Variants in DNMT1 observed in about 807,000 individuals in gnomAD.
DNMT1 encodes DNA methyltransferase 1.
DNMT1 carries 24 observed loss-of-function variants against 205.3 expected under a neutral mutation model. The observed-to-expected ratio is 0.12, with a 90% CI of 0.08 to 0.16. The LOEUF (loss-of-function observed/expected upper bound fraction) is 0.16, where lower values mean the gene tolerates loss of function less well. DNMT1 is among the 10% of genes least tolerant of loss of function. DNMT1 has a pLI of 1.00. For missense variants in DNMT1, 1,293 were observed against 2,177.7 expected (o/e 0.59, Z 8.09); for synonymous variants, 817 against 839.8 (o/e 0.97, Z 0.47).
Position 10,186,838 on chromosome 19 carries a change from C to CAAAAAAAAAA in DNMT1, c.81-4771_81-4762dup, listed in dbSNP as rs35238334. Among the ~76,000 whole-genome samples the CAAAAAAAAAA allele has an allele frequency of 1.5e-3, 106 of 70,678 alleles. 1 individual carries two copies. Among genetic ancestry groups the CAAAAAAAAAA allele is most frequent in the African/African-American group, 6.0e-3 (101 of 16,956 alleles). The allele number at this position is 70,678 out of a possible 152,430, so 46.4% of individuals were successfully genotyped here. A position where few individuals can be genotyped will look rare whatever the true frequency, so the allele number is the denominator to read the frequency against. ...GGACAACAAGAGTGAAACTCCGTCTCAAAAAAAAAAAAAAAAAAAAAGATA... is the reference window on the plus strand; with the variant it reads ...GGACAACAAGAGTGAAACTCCGTCTCAAAAAAAAAAAAAAAAAAAAAAAAAAAAAAAGATA... On this transcript the variant is annotated intron_variant, in intron 1 of 40. Coordinates refer to ENST00000359526, the MANE Select transcript of DNMT1 (RefSeq NM_001130823.3).
At chr19:10,162,802 C>T (rs949425286) in intron 12 of DNMT1, 54 bp from the exon 13 acceptor site, 15 of 1,583,970 alleles carry the variant, frequency 9.5e-6, no homozygotes, top group East Asian at 4.5e-5. Context: ...CTAACCACAT[C>T]GCCAACTCGC....
intron 22 of DNMT1, among the ~76,000 whole-genome samples, chr19:10,152,385 C>T (rs1320811652): frequency 6.7e-6 from 1 of 150,060 alleles, no homozygotes; most frequent in African/African-American, 2.5e-5. Flanking sequence ...CATTGGGAGG[C>T]TGAAGCAGAG....
rs768430902 is a variant in DNMT1, at chr19:10,149,406, A to G, written c.2586+47T>C. ...CAAAACAGAACGCACGTCAGCAGTG[A>G]CCCTCCACGATAAGGCAGGGGCTCA... On this transcript the variant is annotated intron_variant, in intron 26 of 40. Coordinates refer to ENST00000359526, the MANE Select transcript of DNMT1 (RefSeq NM_001130823.3). 4.4e-6 allele frequency: 7 copies of G among 1,593,578 alleles called. No homozygotes were observed. The Admixed American group carries it at 6.7e-5, about 15-fold the overall frequency.
At position 10,151,514 on chromosome 19, in the gene DNMT1, C is replaced by CA. The variant is rs1177750016; in HGVS notation, c.2148dup (p.Asp717Ter). ...ATGTTATCATCGACTTCCTCATCGT[C>CA]ATCTGCCTCCTTCATGGCCATATTG... On this transcript the variant is annotated frameshift_variant, in exon 24 of 41. Coordinates refer to ENST00000359526, the MANE Select transcript of DNMT1 (RefSeq NM_001130823.3). LOFTEE classifies it high-confidence loss of function. The surrounding 1 kb of genome is among the most constrained non-coding windows in gnomAD (Gnocchi z 5.0). 1 of 1,614,082 alleles carries CA rather than the reference C, an allele frequency of 6.2e-7. No homozygotes were observed. Among genetic ancestry groups the CA allele is most frequent in the Admixed American group, 1.7e-5 (1 of 60,020 alleles).
intron 1 of DNMT1, among the ~76,000 whole-genome samples, chr19:10,193,343 A>C (rs1234844134): frequency 6.6e-6 from 1 of 151,966 alleles, no homozygotes; most frequent in Non-Finnish European, 1.5e-5. Flanking sequence ...ACAGAGTGAG[A>C]CCCATCTCTA....
rs748298564 is a variant in DNMT1, at chr19:10,135,826, G to A, written c.4683C>T (p.His1561=). 1.9e-6 allele frequency: 3 copies of A among 1,564,248 alleles called. No homozygotes were observed. The highest frequency in any genetic ancestry group is 2.7e-5 in the African/African-American group (2 of 73,862). The part of the protein sequence containing the change: ...KQGRVLHPEQ[H]RVVSVRECAR... The stretch of plus-strand genomic sequence containing the variant: ...CACACTCCCGCACGCTCACCACACG[G>A]TGCTGCTCTGGGTGGAGCACGCGGC... The change falls in exon 39 of 41, where the codon CAC becomes CAT. Residue 1561 remains histidine, a synonymous_variant. Transcript: ENST00000359526.
intron 11 of DNMT1, among the ~76,000 whole-genome samples, chr19:10,164,432 C>A (rs1023959693): frequency 6.6e-6 from 1 of 152,122 alleles, no homozygotes; most frequent in Admixed American, 6.6e-5. Context: ...CGTGAGACAC[C>A]GCGCCTGGCT....
At chr19:10,194,198 C>G (rs1426113168) in intron 1 of DNMT1, among the ~76,000 whole-genome samples, 1 of 152,232 alleles carries the variant, frequency 6.6e-6, no homozygotes, top group Admixed American at 6.5e-5. Flanking sequence ...CATGGACTTT[C>G]CCAAGGAGCA....
At chr19:10,177,218 G>GT in intron 6 of DNMT1, 74 bp downstream of exon 6, 2 of 1,366,368 alleles carry the variant, frequency 1.5e-6, no homozygotes, top group South Asian at 2.3e-5. Flanking sequence ...GAATTGCCAC[G>GT]TGACGCCCTA....
At chr19:10,187,794 G>C in intron 1 of DNMT1, among the ~76,000 whole-genome samples, 1 of 152,086 alleles carries the variant, frequency 6.6e-6, no homozygotes, top group Non-Finnish European at 1.5e-5. Context: ...CTAGAGCCCA[G>C]GAATTCAAGA....
At chr19:10,164,297 C>T (rs1041088338) in intron 11 of DNMT1, among the ~76,000 whole-genome samples, 1 of 152,158 alleles carries the variant, frequency 6.6e-6, no homozygotes, top group Admixed American at 6.6e-5. Flanking sequence ...GCATTCGCCA[C>T]CACACCCAGC....
intron 9 of DNMT1, among the ~76,000 whole-genome samples, chr19:10,171,614 G>A (rs1214847567): frequency 9.9e-5 from 15 of 152,112 alleles, no homozygotes; most frequent in African/African-American, 3.4e-4. Context: ...GACCATCCTG[G>A]CTAACGTGGT....
In DNMT1 at chr19:10,138,236, A is replaced by G. The variant is rs964155083; in HGVS notation, c.4115+203T>C. Among the ~76,000 whole-genome samples the G allele has an allele frequency of 6.6e-6, 1 of 152,238 alleles. No homozygotes were observed. The highest frequency in any genetic ancestry group is 1.5e-5 in the Non-Finnish European group (1 of 68,026). On this transcript the variant is annotated intron_variant, in intron 35 of 40. Coordinates refer to ENST00000359526, the MANE Select transcript of DNMT1 (RefSeq NM_001130823.3). The surrounding 1 kb of genome is among the most constrained non-coding windows in gnomAD (Gnocchi z 4.1). ...AAGCATGCGGCTGGCCGCTCTGCAC[A>G]TGCTATCTACTAGGGAAGCAGATGA...
At chr19:10,191,125 AG>A (rs113255855) in intron 1 of DNMT1, among the ~76,000 whole-genome samples, 56 of 151,522 alleles carry the variant, frequency 3.7e-4, no homozygotes, top group African/African-American at 1.1e-3. Context: ...AGGGGGAAAA[AG>A]AAAAATTAGC....
chr19:10,180,252 C>T lies in DNMT1; in HGVS notation c.446-18G>A. The T allele has an allele frequency of 6.9e-7, 1 of 1,446,342 alleles. No individual in the cohort carries two copies. The highest frequency in any genetic ancestry group is 9.5e-7 in the Non-Finnish European group (1 of 1,054,298). The allele number at this position is 1,446,342 out of a possible 1,614,324, so 89.6% of individuals were successfully genotyped here. ...TCTTGAACCTGGGAGGCAGAGGTTACAGTGAGCCGAGGTTACACCACTGTG... is the reference window on the plus strand; with the variant it reads ...TCTTGAACCTGGGAGGCAGAGGTTATAGTGAGCCGAGGTTACACCACTGTG... On this transcript the variant is annotated intron_variant, in intron 4 of 40. Transcript: ENST00000359526.
At chr19:10,170,014 G>C (rs1282036098) in intron 9 of DNMT1, among the ~76,000 whole-genome samples, 1 of 152,142 alleles carries the variant, frequency 6.6e-6, no homozygotes, top group Non-Finnish European at 1.5e-5. Context: ...GGCCGGGCGT[G>C]GTGTTTCACC....
Position 10,159,594 on chromosome 19 carries a change from C to T in DNMT1, c.1280+64G>A, listed in dbSNP as rs999198284. 29 of 1,522,298 alleles carry T rather than the reference C, an allele frequency of 1.9e-5. No individual in the cohort carries two copies. Among genetic ancestry groups the T allele is most frequent in the African/African-American group, 5.5e-5 (4 of 73,068 alleles). The allele number at this position is 1,522,298 out of a possible 1,614,324, so 94.3% of individuals were successfully genotyped here. On this transcript the variant is annotated intron_variant, in intron 17 of 40. Transcript: ENST00000359526. The surrounding 1 kb of genome is among the most constrained non-coding windows in gnomAD (Gnocchi z 5.0). ...AAAAACATCACCAGAATCGTGAGCC[C>T]GCAGGCACCTCTGGGGATGTGCCTC...
intron 5 of DNMT1, 199 bp downstream of exon 5, chr19:10,179,988 A>AT (rs1211040036): frequency 1.2e-5 from 3 of 256,138 alleles, no homozygotes; most frequent in South Asian, 4.2e-5. Context: ...AGACTCTGTC[A>AT]TTAAAAAAAA....
At chr19:10,183,806 G>A (rs1289619691) in intron 1 of DNMT1, among the ~76,000 whole-genome samples, 1 of 152,146 alleles carries the variant, frequency 6.6e-6, no homozygotes, top group African/African-American at 2.4e-5. Flanking sequence ...GAACCCGGGA[G>A]GCAGAGGTTG....
Sources: allele counts gnomAD v4.1 joint callset (sites outside exome capture counted in the v4.1 genomes callset), GRCh38; gene constraint gnomAD v4.1.1; non-coding constraint Gnocchi (gnomAD v3.1); transcripts MANE v1.5; gene names NCBI Gene and HGNC (gene_info 2026-07-23, HGNC 2026-07-21).